Variants in CRYBG3 observed in about 807,000 individuals in gnomAD.
CRYBG3 encodes the protein very large A-kinase anchor protein.
CRYBG3 carries 127 observed loss-of-function variants against 244.2 expected under a neutral mutation model. The observed-to-expected ratio is 0.52, with a 90% confidence interval of 0.45 to 0.60. The LOEUF (loss-of-function observed/expected upper bound fraction) is 0.60, where lower values mean the gene tolerates loss of function less well. Ranked by LOEUF, CRYBG3 falls within the 20% of genes least tolerant of loss-of-function variation. The probability of loss-of-function intolerance (pLI) is 0.00; values close to 1 mark genes in which losing one functional copy is unlikely to be tolerated. For synonymous variants in CRYBG3, 1,132 were observed against 1,195.8 expected (o/e 0.95, Z 1.10); for missense variants, 3,325 against 3,442.5 (o/e 0.97, Z 0.85).
chr3:97,834,452 A>C (rs929365237), intron 1 of CRYBG3, among the ~76,000 whole-genome samples: 10 of 152,188 alleles, frequency 6.6e-5, no homozygotes, highest in African/African-American at 2.2e-4. Context: ...AAATGTATAC[A>C]AAAGTGGTTT....
At chr3:97,860,529 G>A (rs2039130917) in intron 2 of CRYBG3, among the ~76,000 whole-genome samples, 1 of 152,140 alleles carries the variant, frequency 6.6e-6, no homozygotes, top group African/African-American at 2.4e-5. Flanking sequence ...GAGAGAGTGA[G>A]TCATATAGGT....
At chr3:97,848,831 C>T (rs2038941391) in intron 2 of CRYBG3, among the ~76,000 whole-genome samples, 1 of 152,102 alleles carries the variant, frequency 6.6e-6, no homozygotes, top group Non-Finnish European at 1.5e-5. Context: ...TAACAGTGCT[C>T]CCACCCCAAC....
chr3:97,933,613 T>A, intron 17 of CRYBG3, 81 bp from the exon 18 acceptor site: 1 of 1,404,998 alleles, frequency 7.1e-7, no homozygotes, highest in Non-Finnish European at 1.0e-6. Flanking sequence ...ATACAATGGA[T>A]TCAGGGTACC....
At chr3:97,861,340 G>A (rs1265580272) in intron 2 of CRYBG3, among the ~76,000 whole-genome samples, 2 of 152,096 alleles carry the variant, frequency 1.3e-5, no homozygotes, top group Admixed American at 1.3e-4. Flanking sequence ...CTTCCATTGT[G>A]TACATATCTC....
intron 1 of CRYBG3, among the ~76,000 whole-genome samples, chr3:97,841,041 T>C (rs2038805017): frequency 6.6e-6 from 1 of 152,032 alleles, no homozygotes; most frequent in Non-Finnish European, 1.5e-5. Context: ...TATTCACTTT[T>C]AAAGAAGCAA....
intron 1 of CRYBG3, among the ~76,000 whole-genome samples, chr3:97,836,044 G>T (rs575123055): frequency 9.2e-5 from 14 of 152,170 alleles, no homozygotes; most frequent in African/African-American, 3.4e-4. Context: ...TCTGCAGCCT[G>T]TGATTTAACT....
At chr3:97,907,628 C>T (rs1437569411) in intron 15 of CRYBG3, among the ~76,000 whole-genome samples, 2 of 147,254 alleles carry the variant, frequency 1.4e-5, no homozygotes, top group African/African-American at 5.0e-5. Context: ...CTATTTGATT[C>T]TTCTCTCTTT....
At chr3:97,938,538 A>C (rs1364130131) in intron 19 of CRYBG3, among the ~76,000 whole-genome samples, 2 of 151,994 alleles carry the variant, frequency 1.3e-5, no homozygotes, top group Non-Finnish European at 2.9e-5. Flanking sequence ...TCACATGCAC[A>C]CATGCACACA....
intron 2 of CRYBG3, among the ~76,000 whole-genome samples, chr3:97,863,535 G>A (rs761464795): frequency 6.6e-6 from 1 of 151,960 alleles, no homozygotes; most frequent in Admixed American, 6.6e-5. Context: ...GGTCACAAGT[G>A]GGCTCTTTCT....
chr3:97,876,206 A>G lies in CRYBG3; in HGVS notation c.5012A>G (p.Tyr1671Cys). 2 of 1,232,042 alleles carry G rather than the reference A, an allele frequency of 1.6e-6. No individual in the cohort carries two copies. The highest frequency in any genetic ancestry group is 4.1e-5 in the South Asian group (1 of 24,304). The allele number at this position is 1,232,042 out of a possible 1,614,324, so 76.3% of individuals were successfully genotyped here. A position where few individuals can be genotyped will look rare whatever the true frequency, so the allele number is the denominator to read the frequency against. The change falls in exon 4 of 22, where the codon TAC becomes TGC. Residue 1671 changes from tyrosine to cysteine, a missense_variant. Coordinates refer to ENST00000389622, the MANE Select transcript of CRYBG3 (RefSeq NM_153605.4). ...GTTACAGTAGACATGGAAAATATTTACCAAACGCATGCTGAAGGGGATATT... is the reference window on the plus strand; with the variant it reads ...GTTACAGTAGACATGGAAAATATTTGCCAAACGCATGCTGAAGGGGATATT... ...TPVTVDMENI[Y>C]QTHAEGDIGK...
chr3:97,835,184 C>T (rs545055770), intron 1 of CRYBG3, among the ~76,000 whole-genome samples: 20 of 152,224 alleles, frequency 1.3e-4, no homozygotes, highest in Non-Finnish European at 2.5e-4. Context: ...GTCGTGTCAT[C>T]ACTTTTCAGA....
Position 97,864,247 on chromosome 3 carries a change from G to T in CRYBG3, c.247G>T (p.Ala83Ser), listed in dbSNP as rs2039192521. The change falls in exon 3 of 22, where the codon GCT becomes TCT. Residue 83 changes from alanine (A) to serine (S), a missense_variant. By Grantham distance (99) the Ala-to-Ser change is moderately conservative (BLOSUM62 1). Coordinates refer to ENST00000389622, the MANE Select transcript of CRYBG3 (RefSeq NM_153605.4). The stretch of plus-strand genomic sequence containing the variant: ...CCAAAGTGAGGACAAAAGGAACCAT[G>T]CTGAGAAGCCAGTCACTCTTCCAGT... ...IRQSEDKRNH[A>S]EKPVTLPVQE... The T allele has an allele frequency of 6.6e-7, 1 of 1,518,676 alleles. No homozygotes were observed. Among genetic ancestry groups the T allele is most frequent in the African/African-American group, 1.4e-5 (1 of 71,894 alleles). 94.1% of individuals were successfully genotyped at this position (1,518,676 alleles called of 1,614,324 possible).
intron 17 of CRYBG3, among the ~76,000 whole-genome samples, chr3:97,928,755 T>G (rs1344788122): frequency 2.0e-5 from 3 of 152,118 alleles, no homozygotes; most frequent in South Asian, 4.1e-4. Context: ...TATGCACAGC[T>G]ACACAAATTG....
At chr3:97,850,238 A>G (rs1041500047) in intron 2 of CRYBG3, among the ~76,000 whole-genome samples, 2 of 152,072 alleles carry the variant, frequency 1.3e-5, no homozygotes, top group African/African-American at 2.4e-5. Flanking sequence ...ACGCATACCC[A>G]TTGATACTAT....
In CRYBG3 at chr3:97,878,065, A is replaced by C. The variant is rs1576540030; in HGVS notation, c.6843+28A>C. The C allele has an allele frequency of 1.2e-5, 18 of 1,537,042 alleles. No homozygotes were observed. In the East Asian group the frequency reaches 4.0e-4, roughly 35 times the overall value. On this transcript the variant is annotated intron_variant, in intron 4 of 21. Coordinates refer to ENST00000389622, the MANE Select transcript of CRYBG3 (RefSeq NM_153605.4). Reference sequence around the variant, plus strand: ...AAGTTATTTTGTTTATTGTATTAATAATAGTTATTAAAGCTTTGGGTCACG... The same window carrying C: ...AAGTTATTTTGTTTATTGTATTAATCATAGTTATTAAAGCTTTGGGTCACG...
chr3:97,908,815 A>G (rs1253637701), intron 15 of CRYBG3, among the ~76,000 whole-genome samples: 2 of 152,128 alleles, frequency 1.3e-5, no homozygotes, highest in Admixed American at 6.5e-5. Context: ...TATTTTGCTC[A>G]TTAGTTGATG....
intron 1 of CRYBG3, among the ~76,000 whole-genome samples, chr3:97,823,443 G>T (rs1274366271): frequency 1.3e-5 from 2 of 152,114 alleles, no homozygotes; most frequent in South Asian, 2.1e-4. Flanking sequence ...TGTGTTCCTC[G>T]GTTTCCCCGC....
chr3:97,864,507 GGAGA>G lies in CRYBG3; in HGVS notation c.514_517del (p.Glu172PhefsTer6). 1.3e-6 allele frequency: 2 copies of G among 1,535,866 alleles called. No homozygotes were observed. The highest frequency in any genetic ancestry group is 1.7e-6 in the Non-Finnish European group (2 of 1,146,798). ...ACCATCATGAAGACGGGATCAAAAG[GGAGA>G]GAGAGATTTTCAGTGGCTCCCTAAG... On this transcript the variant is annotated frameshift_variant, in exon 3 of 22. Coordinates refer to ENST00000389622, the MANE Select transcript of CRYBG3 (RefSeq NM_153605.4). LOFTEE classifies it high-confidence loss of function.
At chr3:97,902,672 G>T (rs908862360) in intron 15 of CRYBG3, among the ~76,000 whole-genome samples, 4 of 152,056 alleles carry the variant, frequency 2.6e-5, no homozygotes, top group Non-Finnish European at 4.4e-5. Context: ...TGTTCTCAAT[G>T]TTCAACTCCC....
Sources: allele counts gnomAD v4.1 joint callset (sites outside exome capture counted in the v4.1 genomes callset), GRCh38; gene constraint gnomAD v4.1.1; transcripts MANE v1.5; gene names NCBI Gene and HGNC (gene_info 2026-07-23, HGNC 2026-07-21).